Variants in PCDHGA3 observed in about 807,000 individuals in gnomAD.
PCDHGA3 encodes the protein protocadherin gamma subfamily A, 3.
A neutral mutation model predicts 58.5 loss-of-function variants in PCDHGA3; 40 were observed. The ratio of observed to expected loss-of-function variants is 0.68; its 90% CI spans 0.53 to 0.89. The LOEUF is 0.89. PCDHGA3 is among the 40% of genes least tolerant of loss of function. The pLI is 0.00. For missense variants in PCDHGA3, 1,223 were observed against 1,195.9 expected (o/e 1.02, Z -0.33); for synonymous variants, 530 against 525.7 (o/e 1.01, Z -0.11).
intron 1 of PCDHGA3, chr5:141,384,509 G>T: frequency 6.2e-7 from 1 of 1,614,176 alleles, no homozygotes; most frequent in Non-Finnish European, 8.5e-7. Flanking sequence ...GCACATGACA[G>T]CGGGGACCCG....
At position 141,486,821 on chromosome 5, in the gene PCDHGA3, A is replaced by T. The variant is rs756652952; in HGVS notation, c.2425-7986A>T. On this transcript the variant is annotated intron_variant, in intron 1 of 3. Transcript: ENST00000253812. The surrounding 1 kb of genome is among the most constrained non-coding windows in gnomAD (Gnocchi z 5.0). ...CAACCCACCCCTTAGCAGCACTGTA[A>T]CAGTTCGTCTATTTGTGCTGGACCT... 36 of 1,614,116 alleles carry T rather than the reference A, an allele frequency of 2.2e-5. No individual in the cohort carries two copies. In the South Asian group the frequency reaches 3.4e-4, roughly 15 times the overall value.
In PCDHGA3 at chr5:141,360,397, G is replaced by A. The variant is rs776903612; in HGVS notation, c.2424+13940G>A. Reference sequence around the variant, plus strand: ...AGAAAGCGGAGACTTACTTGTGAGTGACAGAATAGACCGAGAACAGATATG... The same window carrying A: ...AGAAAGCGGAGACTTACTTGTGAGTAACAGAATAGACCGAGAACAGATATG... On this transcript the variant is annotated intron_variant, in intron 1 of 3. Coordinates refer to ENST00000253812, the MANE Select transcript of PCDHGA3 (RefSeq NM_018916.4). 4.3e-6 allele frequency: 7 copies of A among 1,613,928 alleles called. No individual in the cohort carries two copies. The highest frequency in any genetic ancestry group is 2.2e-5 in the East Asian group (1 of 44,868).
Position 141,486,734 on chromosome 5 carries a change from C to A in PCDHGA3, c.2425-8073C>A. ...CCAGACAGGAGCTGTTCATGCTACT[C>A]GATCCTTTGACTATGAGCAAACCCA... On this transcript the variant is annotated intron_variant, in intron 1 of 3. Transcript: ENST00000253812. The surrounding 1 kb of genome is among the most constrained non-coding windows in gnomAD (Gnocchi z 5.0). The A allele has an allele frequency of 1.2e-6, 2 of 1,614,188 alleles. No homozygotes were observed. Among genetic ancestry groups the A allele is most frequent in the Non-Finnish European group, 1.7e-6 (2 of 1,180,040 alleles).
At chr5:141,371,515 T>C in intron 1 of PCDHGA3, 1 of 1,613,844 alleles carries the variant, frequency 6.2e-7, no homozygotes, top group Non-Finnish European at 8.5e-7. Context: ...ACACATGATC[T>C]AGATTCTGGA....
chr5:141,473,476 A>G (rs1300050332), intron 1 of PCDHGA3, among the ~76,000 whole-genome samples: 15 of 151,558 alleles, frequency 9.9e-5, no homozygotes, highest in Admixed American at 9.2e-4. Context: ...GCCAAGTTCA[A>G]TGGAAAAAAT....
intron 1 of PCDHGA3, chr5:141,352,714 G>A (rs776520585): frequency 4.5e-6 from 7 of 1,540,548 alleles, no homozygotes; most frequent in Non-Finnish European, 6.1e-6. Flanking sequence ...TGGCGGCCGG[G>A]CGCGGTGGCT....
intron 1 of PCDHGA3, among the ~76,000 whole-genome samples, chr5:141,425,219 G>T (rs779272038): frequency 2.0e-5 from 3 of 152,148 alleles, no homozygotes; most frequent in Non-Finnish European, 2.9e-5. Context: ...ATTGTACTTT[G>T]ACTGGAATTA....
chr5:141,509,298 C>A (rs974744333), intron 3 of PCDHGA3, among the ~76,000 whole-genome samples: 1 of 152,180 alleles, frequency 6.6e-6, no homozygotes, highest in Non-Finnish European at 1.5e-5. Flanking sequence ...AGGGTGGAGG[C>A]AGAGGGAGGC....
At chr5:141,353,403 T>A (rs1413165994) in intron 1 of PCDHGA3, among the ~76,000 whole-genome samples, 1 of 152,242 alleles carries the variant, frequency 6.6e-6, no homozygotes, top group Non-Finnish European at 1.5e-5. Context: ...ATTAATGTAA[T>A]CTTCATCAAT....
Position 141,490,970 on chromosome 5 carries a change from A to G in PCDHGA3, c.2425-3837A>G. ...CCAGACTGGGAACACTCAGCCCCCC[A>G]GCGTCTCCCTCGCTCTGCTCCTCCT... On this transcript the variant is annotated intron_variant, in intron 1 of 3. Coordinates refer to ENST00000253812, the MANE Select transcript of PCDHGA3 (RefSeq NM_018916.4). This position sits in a 1 kb window ranked among gnomAD's most constrained non-coding sequence, Gnocchi z 5.4. 1 of 1,613,858 alleles carries G rather than the reference A, an allele frequency of 6.2e-7. No individual in the cohort carries two copies. Among genetic ancestry groups the G allele is most frequent in the South Asian group, 1.1e-5 (1 of 91,062 alleles).
At chr5:141,374,163 C>A (rs764323551) in intron 1 of PCDHGA3, 1 of 1,612,604 alleles carries the variant, frequency 6.2e-7, no homozygotes, top group East Asian at 2.2e-5. Flanking sequence ...TGGGGGGCCG[C>A]GGCAGCGCAG....
At chr5:141,369,149 A>T (rs955742773) in intron 1 of PCDHGA3, among the ~76,000 whole-genome samples, 2 of 152,224 alleles carry the variant, frequency 1.3e-5, no homozygotes, top group African/African-American at 4.8e-5. Flanking sequence ...ATGGCATGTT[A>T]TTGACCAGGG....
At chr5:141,460,425 G>A (rs953425058) in intron 1 of PCDHGA3, among the ~76,000 whole-genome samples, 3 of 152,114 alleles carry the variant, frequency 2.0e-5, no homozygotes. Flanking sequence ...TATGTATGGT[G>A]TATGGTGTGA....
At chr5:141,427,164 C>T (rs1171285271) in intron 1 of PCDHGA3, 1 of 456,682 alleles carries the variant, frequency 2.2e-6, no homozygotes, top group Non-Finnish European at 4.4e-6. Context: ...TGTGCTAGAC[C>T]ATCAAAATGG....
At chr5:141,387,877 C>T in intron 1 of PCDHGA3, 1 of 1,585,868 alleles carries the variant, frequency 6.3e-7, no homozygotes, top group Non-Finnish European at 8.6e-7. Flanking sequence ...CTGAGGAGAG[C>T]AAGAGGGATG....
chr5:141,370,739 C>CT (rs772637726), intron 1 of PCDHGA3: 1 of 1,613,910 alleles, frequency 6.2e-7, no homozygotes, highest in Non-Finnish European at 8.5e-7. Flanking sequence ...AGCCTTTAAA[C>CT]TTTTTTCATG....
chr5:141,478,553 T>C, intron 1 of PCDHGA3: 1 of 1,602,704 alleles, frequency 6.2e-7, no homozygotes. Context: ...ACAGGTAAGG[T>C]TTAGCAAGTC....
intron 1 of PCDHGA3, chr5:141,404,926 C>CA (rs765817542): frequency 1.2e-6 from 2 of 1,613,884 alleles, no homozygotes; most frequent in Non-Finnish European, 1.7e-6. Context: ...CGGCCACTGT[C>CA]ACGCTCACAG....
intron 1 of PCDHGA3, chr5:141,409,017 G>T (rs745981387): frequency 3.1e-6 from 5 of 1,613,840 alleles, no homozygotes; most frequent in Non-Finnish European, 4.2e-6. Flanking sequence ...CAGGATGAGG[G>T]GGTCAATGCT....
Sources: gnomAD v4.1 joint callset for allele counts (sites outside exome capture counted in the v4.1 genomes callset) on GRCh38, gnomAD v4.1.1 for gene constraint, Gnocchi (gnomAD v3.1) non-coding constraint, MANE v1.5 for transcripts, NCBI Gene and HGNC (gene_info 2026-07-23, HGNC 2026-07-21) for gene names.